The following CSMD1 variants were observed in gnomAD, a reference collection of about 807,000 sequenced individuals.
The protein encoded by CSMD1 is CUB and sushi domain-containing protein 1.
In CSMD1, 213 loss-of-function variants were observed where a neutral mutation model predicts 417.5. The observed-to-expected ratio is 0.51, with a 90% CI of 0.46 to 0.57. CSMD1 has a LOEUF of 0.57. Ranked by LOEUF, CSMD1 falls within the 20% of genes least tolerant of loss-of-function variation. The probability of loss-of-function intolerance (pLI) is 0.00; values close to 1 mark genes in which losing one functional copy is unlikely to be tolerated. For synonymous variants in CSMD1, 2,862 were observed against 1,736.8 expected (o/e 1.65, Z -16.11); for missense variants, 6,923 against 4,529.7 (o/e 1.53, Z -15.17).
At chr8:3,504,636 T>G (rs1301463397) in intron 10 of CSMD1, among the ~76,000 whole-genome samples, 6 of 152,256 alleles carry the variant, frequency 3.9e-5, no homozygotes, top group African/African-American at 1.4e-4. Context: ...TCTCTCTGAC[T>G]CTGCAATTTC....
chr8:4,434,992 C>A (rs547897133), intron 2 of CSMD1, among the ~76,000 whole-genome samples: 9 of 152,078 alleles, frequency 5.9e-5, no homozygotes, highest in Admixed American at 1.3e-4. Flanking sequence ...TCATATTTTG[C>A]ATACTTTTGT....
At chr8:3,597,474 C>G (rs1016958916) in intron 8 of CSMD1, among the ~76,000 whole-genome samples, 1 of 152,060 alleles carries the variant, frequency 6.6e-6, no homozygotes, top group Non-Finnish European at 1.5e-5. Flanking sequence ...GGTCACCAGG[C>G]TATTAAATAG....
At chr8:4,529,751 G>C (rs1021097544) in intron 2 of CSMD1, among the ~76,000 whole-genome samples, 7 of 151,966 alleles carry the variant, frequency 4.6e-5, no homozygotes, top group Admixed American at 6.6e-5. Context: ...AGACTATAAA[G>C]CGGTCCTGAC....
chr8:3,961,791 G>C (rs895338381), intron 5 of CSMD1, among the ~76,000 whole-genome samples: 1 of 152,110 alleles, frequency 6.6e-6, no homozygotes, highest in African/African-American at 2.4e-5. Context: ...TGGTGCACTG[G>C]GTTTTTAATA....
In CSMD1 at chr8:3,442,828, A is replaced by C. The variant is rs917784225; in HGVS notation, c.1561+25884T>G. Among the ~76,000 whole-genome samples, 4 of 151,346 alleles carry C rather than the reference A, an allele frequency of 2.6e-5. No homozygotes were observed. The East Asian group carries it at 5.8e-4, about 22-fold the overall frequency. Reference sequence around the variant, plus strand: ...ATATTTATGAGAGATATTAGTACATAGATTTTTTTTTTGTTATGTCTGTAC... The same window carrying C: ...ATATTTATGAGAGATATTAGTACATCGATTTTTTTTTTGTTATGTCTGTAC... On this transcript the variant is annotated intron_variant, in intron 12 of 69. Transcript: ENST00000635120.
chr8:4,020,906 G>A (rs189614523), intron 4 of CSMD1, among the ~76,000 whole-genome samples: 1 of 152,182 alleles, frequency 6.6e-6, no homozygotes, highest in Non-Finnish European at 1.5e-5. Flanking sequence ...ATATGCTTCA[G>A]CAATTGCTGA....
chr8:4,173,691 G>A (rs1333715758), intron 3 of CSMD1, among the ~76,000 whole-genome samples: 1 of 151,994 alleles, frequency 6.6e-6, no homozygotes, highest in Non-Finnish European at 1.5e-5. Flanking sequence ...GAAAATTTCT[G>A]AATTACTCAA....
chr8:4,084,516 A>G (rs1800315977), intron 3 of CSMD1, among the ~76,000 whole-genome samples: 1 of 152,072 alleles, frequency 6.6e-6, no homozygotes. Context: ...TCCTGTTTTT[A>G]TTTTTCCTTA....
intron 3 of CSMD1, among the ~76,000 whole-genome samples, chr8:4,167,000 G>C (rs777501856): frequency 3.9e-5 from 6 of 152,284 alleles, no homozygotes; most frequent in Non-Finnish European, 7.4e-5. Flanking sequence ...CCTGTGCTGG[G>C]TGTTTGTGAA....
intron 12 of CSMD1, among the ~76,000 whole-genome samples, chr8:3,455,632 T>G (rs954051857): frequency 1.3e-5 from 2 of 152,226 alleles, no homozygotes; most frequent in African/African-American, 2.4e-5. Context: ...CAGTGGATAT[T>G]GCTGAACAGC....
chr8:3,741,914 C>T (rs904753693), intron 6 of CSMD1, among the ~76,000 whole-genome samples: 2 of 152,074 alleles, frequency 1.3e-5, no homozygotes, highest in African/African-American at 4.8e-5. Flanking sequence ...CTGGCCCAAA[C>T]CTACTTTTTC....
intron 1 of CSMD1, among the ~76,000 whole-genome samples, chr8:4,955,108 G>C (rs1316604397): frequency 2.0e-5 from 3 of 152,046 alleles, no homozygotes; most frequent in African/African-American, 7.2e-5. Context: ...CACAGAAATG[G>C]CTTTAAATGG....
chr8:3,374,506 C>A (rs1192686845), intron 18 of CSMD1, among the ~76,000 whole-genome samples: 1 of 152,086 alleles, frequency 6.6e-6, no homozygotes, highest in Non-Finnish European at 1.5e-5. Context: ...ATTCTAAGAA[C>A]AAGAATATTA....
At chr8:4,482,240 C>A (rs1801141726) in intron 2 of CSMD1, among the ~76,000 whole-genome samples, 1 of 152,170 alleles carries the variant, frequency 6.6e-6, no homozygotes, top group Admixed American at 6.5e-5. Context: ...GATCCTCTCC[C>A]TTCTCCCATC....
intron 7 of CSMD1, among the ~76,000 whole-genome samples, chr8:3,650,321 G>A (rs1797789356): frequency 6.6e-6 from 1 of 151,948 alleles, no homozygotes; most frequent in African/African-American, 2.4e-5. Context: ...ATGAATGATT[G>A]AGTTTCAAGT....
intron 2 of CSMD1, among the ~76,000 whole-genome samples, chr8:4,522,890 C>A (rs949430558): frequency 6.6e-6 from 1 of 152,168 alleles, no homozygotes; most frequent in Non-Finnish European, 1.5e-5. Flanking sequence ...AGCTTACTTC[C>A]ATAATCCTAA....
At chr8:3,240,788 C>T (rs928161138) in intron 26 of CSMD1, among the ~76,000 whole-genome samples, 5 of 151,970 alleles carry the variant, frequency 3.3e-5, no homozygotes, top group Admixed American at 6.6e-5. Flanking sequence ...ATAGGCAAAA[C>T]AATCTGGTTG....
intron 46 of CSMD1, among the ~76,000 whole-genome samples, chr8:3,098,222 C>T (rs1164395762): frequency 1.3e-5 from 2 of 152,084 alleles, no homozygotes; most frequent in Non-Finnish European, 2.9e-5. Flanking sequence ...ATCACCTTTT[C>T]CTTAATGAAA....
intron 10 of CSMD1, among the ~76,000 whole-genome samples, chr8:3,552,560 G>T (rs564914017): frequency 6.6e-6 from 1 of 152,234 alleles, no homozygotes; most frequent in South Asian, 2.1e-4. Flanking sequence ...TAAACATAAG[G>T]TGGGGGGCAT....
Sources: allele counts gnomAD v4.1 joint callset (sites outside exome capture counted in the v4.1 genomes callset), GRCh38; gene constraint gnomAD v4.1.1; transcripts MANE v1.5; gene names NCBI Gene and HGNC (gene_info 2026-07-23, HGNC 2026-07-21).